CENPF: variants seen among roughly 807,000 people sequenced by gnomAD.
The protein encoded by CENPF is AH antigen.
Under a neutral mutation model 307.3 loss-of-function variants are expected in CENPF, and 214 were observed. The ratio of observed to expected loss-of-function variants is 0.70; its 90% CI spans 0.62 to 0.78. CENPF has a LOEUF of 0.78. Ranked by LOEUF, CENPF falls within the 30% of genes least tolerant of loss-of-function variation. The pLI, the probability that CENPF is intolerant of heterozygous loss-of-function variation, is 0.00. For synonymous variants in CENPF, 1,259 were observed against 1,270.6 expected (o/e 0.99, Z 0.19); for missense variants, 3,401 against 3,483.9 (o/e 0.98, Z 0.60).
intron 8 of CENPF, among the ~76,000 whole-genome samples, chr1:214,629,676 C>T (rs1415168601): frequency 6.6e-6 from 1 of 152,040 alleles, no homozygotes; most frequent in African/African-American, 2.4e-5. Flanking sequence ...CTCAGCCTCC[C>T]GAGGAGCTGG....
At chr1:214,607,219 C>G (rs983800441) in intron 1 of CENPF, among the ~76,000 whole-genome samples, 10 of 152,252 alleles carry the variant, frequency 6.6e-5, no homozygotes, top group Admixed American at 2.0e-4. Flanking sequence ...CTGGATGTCA[C>G]CACTCAAACG....
intron 1 of CENPF, chr1:214,605,504 C>T: frequency 3.7e-5 from 19 of 516,532 alleles, no homozygotes; most frequent in South Asian, 6.2e-5. Context: ...CTTCTTGCTT[C>T]CAAAAGGAAA....
At chr1:214,608,352 A>C in intron 1 of CENPF, 1 of 1,611,342 alleles carries the variant, frequency 6.2e-7, no homozygotes, top group South Asian at 1.1e-5. Flanking sequence ...CGATGTCGGC[A>C]TAGAGGTTCC....
At position 214,652,324 on chromosome 1, in the gene CENPF, T is replaced by C. The variant is rs542789783; in HGVS notation, c.8160+438T>C. Among the ~76,000 whole-genome samples the C allele has an allele frequency of 1.1e-3, 172 of 151,810 alleles. 1 individual carries two copies. Among genetic ancestry groups the C allele is most frequent in the Middle Eastern group, 3.4e-3 (1 of 292 alleles). On this transcript the variant is annotated intron_variant, in intron 15 of 19. Transcript: ENST00000366955. ...TGCTGGGATTACAGGCGTGAGCCAC[T>C]GCGCCTGGCCCGGTTGATTTTTTAA...
rs76510073 is a variant in CENPF at position 214,618,307 on chromosome 1, C to T, written c.360-266C>T. Among the ~76,000 whole-genome samples, 2,247 of 152,216 alleles carry T rather than the reference C, an allele frequency of 0.015. 31 individuals are homozygous for T. The highest frequency in any genetic ancestry group is 0.024 in the Middle Eastern group (7 of 294). On this transcript the variant is annotated intron_variant, in intron 3 of 19. Coordinates refer to ENST00000366955, the MANE Select transcript of CENPF (RefSeq NM_016343.4). ...TGTCATAGTGGTTATTATAGATCTT[C>T]CTTATAGCCTTTATAACATTGTACT...
chr1:214,650,539 G>A lies in CENPF; in HGVS notation c.7984-1171G>A, dbSNP rs111951748. Among the ~76,000 whole-genome samples the A allele has an allele frequency of 3.2e-3, 484 of 152,262 alleles. 6 individuals are homozygous for A. The highest frequency in any genetic ancestry group is 0.011 in the African/African-American group (457 of 41,546). Reference sequence around the variant, plus strand: ...GAAGAGCCAGCAAAGAAGACAGAGAGAAGGCTTGATAAGGCAAACACCCAG... The same window carrying A: ...GAAGAGCCAGCAAAGAAGACAGAGAAAAGGCTTGATAAGGCAAACACCCAG... On this transcript the variant is annotated intron_variant, in intron 14 of 19. Transcript: ENST00000366955.
Position 214,646,982 on chromosome 1 carries a change from TTAG to T in CENPF, c.7417_7419del (p.Ser2473del). 2 of 1,614,036 alleles carry T rather than the reference TTAG, an allele frequency of 1.2e-6. No individual in the cohort carries two copies. Among genetic ancestry groups the T allele is most frequent in the African/African-American group, 1.3e-5 (1 of 75,004 alleles). ...GCCTGTAAGGCCAAAGAGCAGAATC[TTAG>T]TAGTCAAGTAGAGTGTCTTGAACTT... is the stretch of plus-strand genomic sequence containing the variant. On this transcript the variant is annotated inframe_deletion, in exon 13 of 20. Coordinates refer to ENST00000366955, the MANE Select transcript of CENPF (RefSeq NM_016343.4).
intron 1 of CENPF, 124 bp downstream of exon 1, chr1:214,603,445 C>T (rs188564247): frequency 2.6e-5 from 4 of 152,190 alleles, no homozygotes; most frequent in Admixed American, 2.0e-4. Context: ...GGATCACTCT[C>T]CCGGCCCTGT....
At chr1:214,650,307 C>T (rs1331556981) in intron 14 of CENPF, among the ~76,000 whole-genome samples, 1 of 127,146 alleles carries the variant, frequency 7.9e-6, no homozygotes, top group Non-Finnish European at 1.5e-5. Context: ...TGGCTGGAGC[C>T]AGATGGAAAA....
chr1:214,625,240 A>C (rs1243607486), intron 7 of CENPF, among the ~76,000 whole-genome samples: 1 of 151,788 alleles, frequency 6.6e-6, no homozygotes. Flanking sequence ...TTTGAGACGG[A>C]GTCTGGCTCT....
At position 214,646,012 on chromosome 1, in the gene CENPF, G is replaced by A. The variant is rs1441741222; in HGVS notation, c.6442G>A (p.Glu2148Lys). The A allele has an allele frequency of 1.9e-6, 3 of 1,614,092 alleles. No individual in the cohort carries two copies. The South Asian group carries it at 3.3e-5, about 18-fold the overall frequency. The part of the protein sequence containing the change: ...IAEKLKERER[E>K]NDSLKDKVEN... ...AGAGAAACTGAAAGAACGCGAGCGG[G>A]AGAATGATTCACTTAAGGATAAAGT... Residue 2148 changes from glutamate to lysine, a missense_variant, in exon 13 of 20, where the codon GAG (glutamate) becomes AAG (lysine). Physicochemically the swap from Glu to Lys is moderately conservative, Grantham distance 56. Transcript: ENST00000366955.
chr1:214,640,415 G>A lies in CENPF; in HGVS notation c.2077G>A (p.Val693Ile). The A allele has an allele frequency of 6.2e-7, 1 of 1,614,046 alleles. No individual in the cohort carries two copies. The highest frequency in any genetic ancestry group is 8.5e-7 in the Non-Finnish European group (1 of 1,180,000). ...HNVLDSKSVE[V>I]ETQKLAYMEL... ...CGTGTTAGACAGTAAGTCAGTGGAG[G>A]TAGAGACCCAGAAACTAGCTTATAT... The change falls in exon 12 of 20, where the codon GTA (valine) becomes ATA (isoleucine). Residue 693 changes from valine to isoleucine, a missense_variant. Physicochemically the swap from Val to Ile is conservative, Grantham distance 29. Transcript: ENST00000366955.
chr1:214,607,600 G>C (rs1474401792), intron 1 of CENPF, among the ~76,000 whole-genome samples: 1 of 152,194 alleles, frequency 6.6e-6, no homozygotes, highest in Non-Finnish European at 1.5e-5. Flanking sequence ...TGCGGGAGCA[G>C]GTCAGACCAG....
intron 16 of CENPF, 74 bp from the exon 17 acceptor site, chr1:214,655,167 A>T: frequency 1.1e-6 from 1 of 911,086 alleles, no homozygotes; most frequent in Non-Finnish European, 1.6e-6. Flanking sequence ...TGAATCTTAT[A>T]TCTTATAATT....
chr1:214,610,019 CTTTTTTTT>C (rs34695664), intron 1 of CENPF, among the ~76,000 whole-genome samples: 3 of 130,376 alleles, frequency 2.3e-5, no homozygotes, highest in Non-Finnish European at 4.9e-5. Flanking sequence ...GTGCATGTGC[CTTTTTTTT>C]TTTTTTTTTT....
chr1:214,644,861 G>A lies in CENPF; in HGVS notation c.5291G>A (p.Gly1764Glu). The stretch of plus-strand genomic sequence containing the variant: ...GCTTTGGTACCTATGGATTTCCTGG[G>A]GAATCAGGAAGATATCCATAATCTT... ...PNALVPMDFLGNQEDIHNLQL... is the reference protein window; with the variant it reads ...PNALVPMDFLENQEDIHNLQL... The change falls in exon 13 of 20, where the codon GGG becomes GAG. Residue 1764 changes from glycine to glutamate, a missense_variant. Transcript: ENST00000366955. The A allele has an allele frequency of 6.2e-7, 1 of 1,613,940 alleles. No homozygotes were observed. Among genetic ancestry groups the A allele is most frequent in the Non-Finnish European group, 8.5e-7 (1 of 1,179,978 alleles).
At position 214,641,862 on chromosome 1, in the gene CENPF, G is replaced by C; in HGVS notation, c.3524G>C (p.Arg1175Thr). 6.2e-7 allele frequency: 1 copy of C among 1,606,736 alleles called. No individual in the cohort carries two copies. The highest frequency in any genetic ancestry group is 8.5e-7 in the Non-Finnish European group (1 of 1,178,304). The change falls in exon 12 of 20, where the codon AGG becomes ACG. Residue 1175 changes from arginine to threonine, a missense_variant. Coordinates refer to ENST00000366955, the MANE Select transcript of CENPF (RefSeq NM_016343.4). ...CAAAATCTAGAATCAGAACCAATTA[G>C]GAACTCTGTGAAAGAAAGAGAGAGT... ...ECQNLESEPI[R>T]NSVKERESER...
Position 214,657,250 on chromosome 1 carries a change from T to G in CENPF, c.8803T>G (p.Ser2935Ala). 1.2e-6 allele frequency: 2 copies of G among 1,614,022 alleles called. No homozygotes were observed. The highest frequency in any genetic ancestry group is 3.3e-4 in the Middle Eastern group (2 of 6,062). The change falls in exon 18 of 20, where the codon TCC becomes GCC. Residue 2935 changes from serine to alanine, a missense_variant. By Grantham distance (99) the Ser-to-Ala change is moderately conservative. Coordinates refer to ENST00000366955, the MANE Select transcript of CENPF (RefSeq NM_016343.4). ...QNKASGKRQR[S>A]SGIWENGRGP... is the part of the protein sequence containing the mutation. ...TAAAGCTTCAGGCAAGAGGCAAAGA[T>G]CCAGTGGAATATGGGAGAATGGTAG...
intron 1 of CENPF, chr1:214,606,162 C>T (rs1657024509): frequency 1.7e-5 from 23 of 1,343,286 alleles, no homozygotes; most frequent in Admixed American, 4.5e-5. Flanking sequence ...GGCCCAGCTC[C>T]GGATGCGACC....
Sources: allele counts gnomAD v4.1 joint callset (sites outside exome capture counted in the v4.1 genomes callset), GRCh38; gene constraint gnomAD v4.1.1; transcripts MANE v1.5; gene names NCBI Gene and HGNC (gene_info 2026-07-23, HGNC 2026-07-21).